Variants in PLEKHH2 observed in about 807,000 individuals in gnomAD.
PLEKHH2 encodes pleckstrin homology domain-containing family H member 2.
PLEKHH2 carries 129 observed loss-of-function variants against 187.9 expected under a neutral mutation model. The observed-to-expected ratio is 0.69, with a 90% confidence interval of 0.59 to 0.79. The LOEUF (loss-of-function observed/expected upper bound fraction) is 0.79. Among genes scored for constraint, PLEKHH2 ranks in the 30% least tolerant of loss-of-function variants. The pLI is 0.00. For synonymous variants in PLEKHH2, 686 were observed against 605.6 expected (o/e 1.13, Z -1.95); for missense variants, 2,076 against 1,751.2 (o/e 1.19, Z -3.31).
intron 26 of PLEKHH2, among the ~76,000 whole-genome samples, chr2:43,757,673 C>T (rs1471501976): frequency 6.6e-6 from 1 of 152,104 alleles, no homozygotes. Context: ...CTGTCTCAGC[C>T]TCCCAAAGTG....
chr2:43,650,706 T>C (rs1220918621), intron 2 of PLEKHH2, among the ~76,000 whole-genome samples: 1 of 151,666 alleles, frequency 6.6e-6, no homozygotes, highest in African/African-American at 2.4e-5. Flanking sequence ...AGTGCAGTGG[T>C]ACGATCTCTA....
At chr2:43,764,042 C>T (rs1291760354) in intron 28 of PLEKHH2, among the ~76,000 whole-genome samples, 186 bp from the exon 29 acceptor site, 3 of 151,852 alleles carry the variant, frequency 2.0e-5, no homozygotes, top group Admixed American at 2.0e-4. Context: ...GTAGATGATG[C>T]CTAAATAAAA....
chr2:43,669,482 A>G (rs766609204), intron 2 of PLEKHH2, among the ~76,000 whole-genome samples: 1 of 152,220 alleles, frequency 6.6e-6, no homozygotes, highest in Non-Finnish European at 1.5e-5. Context: ...CTCGACTTTA[A>G]ATAGTGGGAA....
In PLEKHH2 at chr2:43,765,422, A is replaced by G. The variant is rs377349423; in HGVS notation, c.4306A>G (p.Ile1436Val). ...GTTTTCCTTGTTTTAGATTCTTGAA[A>G]TCACTCTTTTGATCGCCAGTTACAT... ...FAMAKPKILE[I>V]TLLIASYINN... Residue 1436 changes from isoleucine to valine, a missense_variant, in exon 30 of 30, where the codon ATC becomes GTC. Physicochemically the swap from Ile to Val is conservative, Grantham distance 29. Transcript: ENST00000282406. 197 of 1,614,014 alleles carry G rather than the reference A, an allele frequency of 1.2e-4. 2 individuals carry two copies. In the South Asian group the frequency reaches 1.6e-3, roughly 13 times the overall value.
chr2:43,650,908 G>A (rs1666437442), intron 2 of PLEKHH2, among the ~76,000 whole-genome samples: 2 of 152,010 alleles, frequency 1.3e-5, no homozygotes, highest in African/African-American at 4.8e-5. Flanking sequence ...GGCTCCCAAA[G>A]TGCTGGGATT....
At chr2:43,732,531 A>T (rs1284363525) in intron 19 of PLEKHH2, among the ~76,000 whole-genome samples, 2 of 152,110 alleles carry the variant, frequency 1.3e-5, no homozygotes, top group Non-Finnish European at 2.9e-5. Context: ...CCCATTTTCC[A>T]TGTCCACACC....
chr2:43,762,675 TAAG>T (rs965524609), intron 28 of PLEKHH2, among the ~76,000 whole-genome samples: 24 of 152,236 alleles, frequency 1.6e-4, no homozygotes, highest in African/African-American at 5.3e-4. Flanking sequence ...TTAAAAGTGT[TAAG>T]AAGATTGTTT....
intron 16 of PLEKHH2, among the ~76,000 whole-genome samples, chr2:43,723,530 C>T (rs1249255437): frequency 6.6e-6 from 1 of 152,024 alleles, no homozygotes; most frequent in Non-Finnish European, 1.5e-5. Flanking sequence ...TTTCCCCAGG[C>T]TTCGGCTTCC....
At position 43,741,050 on chromosome 2, in the gene PLEKHH2, A is replaced by C; in HGVS notation, c.3221+7A>C. On this transcript the variant is annotated splice_region_variant and intron_variant, in intron 21 of 29. Transcript: ENST00000282406. ...AGAGGAATGCAGATTCCAGGTGTGC[A>C]GAATACTAGCCAGCTGAACTGTTTA... 1.2e-6 allele frequency: 2 copies of C among 1,602,572 alleles called. No homozygotes were observed. The highest frequency in any genetic ancestry group is 1.7e-6 in the Non-Finnish European group (2 of 1,169,874).
chr2:43,728,226 C>T (rs1670862664), intron 17 of PLEKHH2, among the ~76,000 whole-genome samples: 2 of 151,958 alleles, frequency 1.3e-5, no homozygotes, highest in African/African-American at 4.8e-5. Flanking sequence ...CGCCTGTAAT[C>T]CCAGCACTTT....
At chr2:43,676,129 C>A in intron 2 of PLEKHH2, 1 of 1,614,010 alleles carries the variant, frequency 6.2e-7, no homozygotes, top group Non-Finnish European at 8.5e-7. Context: ...AATACTTTTA[C>A]TGAGCTCCAA....
rs111878541 is a variant in PLEKHH2, at chr2:43,659,571, CT to C, written c.123+14790del. 3.8e-3 allele frequency among the ~76,000 whole-genome samples: 530 copies of C among 138,010 alleles called. 1 individual carries two copies. The highest frequency in any genetic ancestry group is 8.3e-3 in the African/African-American group (314 of 37,834). 90.5% of individuals were successfully genotyped at this position (138,010 alleles called of 152,430 possible). On this transcript the variant is annotated intron_variant, in intron 2 of 29. Transcript: ENST00000282406. ...TTTTGGAATTTGGGGTTGCAAGGCA[CT>C]TTTTTTTTTTTTTTGAGACAGTCTC...
At position 43,707,196 on chromosome 2, in the gene PLEKHH2, C is replaced by CAAAAAAAAAAAA. The variant is rs60819579; in HGVS notation, c.1822-196_1822-185dup. On this transcript the variant is annotated intron_variant, in intron 10 of 29. Transcript: ENST00000282406. ...GGGTGACAAGAGCAAGACTCCACCT[C>CAAAAAAAAAAAA]AAAAAAAAAAAAAAAAAAAATTCTA... Among the ~76,000 whole-genome samples the CAAAAAAAAAAAA allele has an allele frequency of 1.3e-3, 118 of 88,176 alleles. 1 individual carries two copies. The highest frequency in any genetic ancestry group is 5.2e-3 in the African/African-American group (111 of 21,442). The allele number at this position is 88,176 out of a possible 152,430, so 57.8% of individuals were successfully genotyped here.
At chr2:43,758,846 C>T (rs1672318191) in intron 26 of PLEKHH2, 54 bp from the exon 27 acceptor site, 2 of 1,442,090 alleles carry the variant, frequency 1.4e-6, no homozygotes, top group Non-Finnish European at 1.9e-6. Flanking sequence ...CTATGACACA[C>T]TGTTTATGTT....
At chr2:43,672,166 A>G (rs1381568390) in intron 2 of PLEKHH2, among the ~76,000 whole-genome samples, 1 of 152,200 alleles carries the variant, frequency 6.6e-6, no homozygotes, top group Admixed American at 6.5e-5. Flanking sequence ...GTTTATGGGC[A>G]TGAAGTATTT....
chr2:43,658,402 A>G (rs528457708), intron 2 of PLEKHH2, among the ~76,000 whole-genome samples: 5 of 152,384 alleles, frequency 3.3e-5, no homozygotes, highest in Admixed American at 2.0e-4. Context: ...CTGTATTAAC[A>G]AATGACTCCA....
intron 16 of PLEKHH2, among the ~76,000 whole-genome samples, chr2:43,722,394 A>G (rs556689777): frequency 4.6e-5 from 7 of 152,336 alleles, no homozygotes; most frequent in African/African-American, 1.4e-4. Flanking sequence ...GTCAGAGAAG[A>G]CAACACTGAA....
At chr2:43,638,902 T>G (rs1040789206) in intron 1 of PLEKHH2, among the ~76,000 whole-genome samples, 5 of 152,212 alleles carry the variant, frequency 3.3e-5, no homozygotes, top group Non-Finnish European at 5.9e-5. Context: ...GCAGTTCTGA[T>G]TTATTATGAC....
chr2:43,712,287 G>T lies in PLEKHH2; in HGVS notation c.2364G>T (p.Trp788Cys). 1 of 1,613,536 alleles carries T rather than the reference G, an allele frequency of 6.2e-7. No homozygotes were observed. Among genetic ancestry groups the T allele is most frequent in the Non-Finnish European group, 8.5e-7 (1 of 1,179,488 alleles). ...ATTCTCCCAATATATTGGAAGAGTG[G>T]ATTAAAGTGTTACAGAATGTTCTTC... ...TADSPNILEEWIKVLQNVLRV... is the reference protein window; with the variant it reads ...TADSPNILEECIKVLQNVLRV... The change falls in exon 15 of 30, where the codon TGG (tryptophan) becomes TGT (cysteine). Residue 788 changes from tryptophan (W) to cysteine (C), a missense_variant. Trp to Cys is a radical substitution (Grantham distance 215). Coordinates refer to ENST00000282406, the MANE Select transcript of PLEKHH2 (RefSeq NM_172069.4).
Sources: allele counts gnomAD v4.1 joint callset (sites outside exome capture counted in the v4.1 genomes callset), GRCh38; gene constraint gnomAD v4.1.1; transcripts MANE v1.5; gene names NCBI Gene and HGNC (gene_info 2026-07-23, HGNC 2026-07-21).